KCNIP4: variants seen among roughly 807,000 people sequenced by gnomAD.
The protein encoded by KCNIP4 is Kv channel-interacting protein 4.
In KCNIP4, 12 loss-of-function variants were observed where a neutral mutation model predicts 34.0. The observed-to-expected ratio is 0.35, with a 90% CI of 0.23 to 0.57. KCNIP4 has a LOEUF of 0.57. Ranked by LOEUF, KCNIP4 falls within the 20% of genes least tolerant of loss-of-function variation. KCNIP4 has a pLI of 0.83. For synonymous variants in KCNIP4, 124 were observed against 102.2 expected (o/e 1.21, Z -1.29); for missense variants, 238 against 311.7 (o/e 0.76, Z 1.78).
chr4:20,809,242 A>C (rs1266266785), intron 3 of KCNIP4, among the ~76,000 whole-genome samples: 1 of 152,178 alleles, frequency 6.6e-6, no homozygotes, highest in South Asian at 2.1e-4. Context: ...AAGGCCAGGA[A>C]ATTTTTTAAA....
intron 1 of KCNIP4, among the ~76,000 whole-genome samples, chr4:21,944,731 C>T (rs1578170466): frequency 1.3e-5 from 2 of 152,290 alleles, no homozygotes; most frequent in East Asian, 3.9e-4. Context: ...AATACTTCTG[C>T]TCTCACAGAG....
chr4:21,513,883 T>C (rs1577497911), intron 1 of KCNIP4, among the ~76,000 whole-genome samples: 1 of 152,186 alleles, frequency 6.6e-6, no homozygotes, highest in East Asian at 1.9e-4. Flanking sequence ...CTGTACGACC[T>C]GAAGGTAGGA....
At chr4:20,887,476 G>A (rs2149531381) in intron 1 of KCNIP4, among the ~76,000 whole-genome samples, 1 of 151,738 alleles carries the variant, frequency 6.6e-6, no homozygotes, top group African/African-American at 2.4e-5. Flanking sequence ...AATCAAAAAT[G>A]AAAAAAGGCT....
chr4:21,582,228 A>T (rs543014984), intron 1 of KCNIP4: 21 of 152,140 alleles, frequency 1.4e-4, no homozygotes, highest in African/African-American at 5.1e-4. Flanking sequence ...GTAATATTCA[A>T]AGTCATCTGA....
chr4:20,843,353 C>A (rs1414974160), intron 3 of KCNIP4, among the ~76,000 whole-genome samples: 1 of 152,168 alleles, frequency 6.6e-6, no homozygotes. Flanking sequence ...TGAGAAGTTT[C>A]CTGTACCTAG....
In KCNIP4 at chr4:21,008,058, A is replaced by G. The variant is rs867379211; in HGVS notation, c.62-125349T>C. On this transcript the variant is annotated intron_variant, in intron 1 of 8. Transcript: ENST00000382152. ...AAAAACCTGGTTAAGCATACAATAT[A>G]CAGTAGCTGCCAAAATGTTTCCACC... 6.6e-5 allele frequency among the ~76,000 whole-genome samples: 10 copies of G among 152,312 alleles called. No individual in the cohort carries two copies. In the East Asian group the frequency reaches 1.4e-3, roughly 21 times the overall value.
At chr4:21,823,839 C>A (rs752124402) in intron 1 of KCNIP4, among the ~76,000 whole-genome samples, 2 of 152,130 alleles carry the variant, frequency 1.3e-5, no homozygotes, top group African/African-American at 2.4e-5. Context: ...AAAAAAATGA[C>A]CACCGATTTT....
chr4:21,353,230 A>G (rs1718200542), intron 1 of KCNIP4, among the ~76,000 whole-genome samples: 1 of 152,110 alleles, frequency 6.6e-6, no homozygotes. Context: ...AAACCAGAGC[A>G]CCTCTTCTCC....
chr4:21,548,553 TC>T (rs1397433683), intron 1 of KCNIP4, among the ~76,000 whole-genome samples: 9 of 147,670 alleles, frequency 6.1e-5, no homozygotes, highest in African/African-American at 1.7e-4. Context: ...TCATAAGATT[TC>T]TTGTTCTATT....
At chr4:21,810,613 C>G (rs1444020166) in intron 1 of KCNIP4, among the ~76,000 whole-genome samples, 1 of 149,122 alleles carries the variant, frequency 6.7e-6, no homozygotes, top group Non-Finnish European at 1.5e-5. Flanking sequence ...TGGCATAAAC[C>G]CGGGAGGCGG....
At chr4:21,402,499 C>T (rs1199950351) in intron 1 of KCNIP4, among the ~76,000 whole-genome samples, 1 of 152,236 alleles carries the variant, frequency 6.6e-6, no homozygotes, top group African/African-American at 2.4e-5. Context: ...TTCCCCAAGG[C>T]TTCCTTGTAG....
At chr4:21,883,912 T>A (rs976533074) in intron 1 of KCNIP4, among the ~76,000 whole-genome samples, 3 of 152,098 alleles carry the variant, frequency 2.0e-5, no homozygotes, top group African/African-American at 7.2e-5. Context: ...AGACTTCTTT[T>A]TGGAATAAGC....
chr4:21,381,781 C>A (rs1721530202), intron 1 of KCNIP4, among the ~76,000 whole-genome samples: 1 of 152,070 alleles, frequency 6.6e-6, no homozygotes, highest in Non-Finnish European at 1.5e-5. Flanking sequence ...TCTACGACTC[C>A]CAGCTTTATT....
chr4:21,362,082 AG>A, intron 1 of KCNIP4, among the ~76,000 whole-genome samples: 1 of 152,268 alleles, frequency 6.6e-6, no homozygotes, highest in East Asian at 1.9e-4. Context: ...AGAGGGGAGA[AG>A]GCTGGGATAT....
At chr4:21,389,981 A>G (rs1722410192) in intron 1 of KCNIP4, among the ~76,000 whole-genome samples, 1 of 139,942 alleles carries the variant, frequency 7.1e-6, no homozygotes, top group South Asian at 2.4e-4. Flanking sequence ...CTGACTTTTT[A>G]ATGATTGCCC....
At position 21,382,080 on chromosome 4, in the gene KCNIP4, A is replaced by T. The variant is rs148193111; in HGVS notation, c.62-499371T>A. Among the ~76,000 whole-genome samples the T allele has an allele frequency of 1.5e-3, 223 of 152,318 alleles. 1 individual carries two copies. Among genetic ancestry groups the T allele is most frequent in the African/African-American group, 5.3e-3 (219 of 41,566 alleles). Reference sequence around the variant, plus strand: ...TAAGTAAATGTTGTATGACCTTGGGATGTATGCAGGATGTGGGAATGGATG... The same window carrying T: ...TAAGTAAATGTTGTATGACCTTGGGTTGTATGCAGGATGTGGGAATGGATG... On this transcript the variant is annotated intron_variant, in intron 1 of 8. Coordinates refer to ENST00000382152, the MANE Select transcript of KCNIP4 (RefSeq NM_025221.6).
intron 1 of KCNIP4, among the ~76,000 whole-genome samples, chr4:20,993,153 C>G (rs539955750): frequency 6.6e-6 from 1 of 151,902 alleles, no homozygotes; most frequent in Admixed American, 6.6e-5. Flanking sequence ...GGTCATGGCA[C>G]AGGACTGGGA....
At chr4:21,330,894 G>A (rs1193789388) in intron 1 of KCNIP4, among the ~76,000 whole-genome samples, 2 of 152,090 alleles carry the variant, frequency 1.3e-5, no homozygotes, top group Non-Finnish European at 2.9e-5. Flanking sequence ...ACTTGTGGCA[G>A]GAATCAATGG....
At chr4:21,410,994 T>G (rs1222150294) in intron 1 of KCNIP4, among the ~76,000 whole-genome samples, 1 of 152,110 alleles carries the variant, frequency 6.6e-6, no homozygotes, top group Non-Finnish European at 1.5e-5. Context: ...AGAGGTGACC[T>G]GGAGAAAGGC....
Sources: gnomAD v4.1 joint callset for allele counts (sites outside exome capture counted in the v4.1 genomes callset) on GRCh38, gnomAD v4.1.1 for gene constraint, MANE v1.5 for transcripts, NCBI Gene and HGNC (gene_info 2026-07-23, HGNC 2026-07-21) for gene names.